The following FRMD3 variants were observed in gnomAD, a reference collection of about 807,000 sequenced individuals.
The protein encoded by FRMD3 is FERM domain-containing protein 3.
A neutral mutation model predicts 70.2 loss-of-function variants in FRMD3; 33 were observed. The ratio of observed to expected loss-of-function variants is 0.47; its 90% confidence interval spans 0.36 to 0.63. The LOEUF (loss-of-function observed/expected upper bound fraction) is 0.63, where lower values mean the gene tolerates loss of function less well. FRMD3 is among the 20% of genes least tolerant of loss of function. The probability of loss-of-function intolerance (pLI) is 0.00; values close to 1 mark genes in which losing one functional copy is unlikely to be tolerated. For synonymous variants in FRMD3, 279 were observed against 255.9 expected (o/e 1.09, Z -0.86); for missense variants, 632 against 711.4 (o/e 0.89, Z 1.27).
At chr9:83,292,847 T>C (rs1049089065) in intron 12 of FRMD3, among the ~76,000 whole-genome samples, 2 of 152,094 alleles carry the variant, frequency 1.3e-5, no homozygotes, top group African/African-American at 4.8e-5. Flanking sequence ...TGTTTCACCA[T>C]GTTGGGCAGG....
At chr9:83,336,792 C>T (rs1356401882) in intron 5 of FRMD3, among the ~76,000 whole-genome samples, 1 of 150,748 alleles carries the variant, frequency 6.6e-6, no homozygotes, top group East Asian at 1.9e-4. Flanking sequence ...TCATTAATTG[C>T]TATTAGGTTT....
chr9:83,584,753 A>G, the FRMD3 span, among the ~76,000 whole-genome samples: 1 of 152,136 alleles, frequency 6.6e-6, no homozygotes, highest in Non-Finnish European at 1.5e-5. Flanking sequence ...CAGGAGCCCA[A>G]ATGCCTGGGT....
At chr9:83,469,608 T>A (rs1381722900) in intron 1 of FRMD3, among the ~76,000 whole-genome samples, 1 of 152,034 alleles carries the variant, frequency 6.6e-6, no homozygotes, top group Non-Finnish European at 1.5e-5. Flanking sequence ...AAGTCATTGA[T>A]AAGGATGTAT....
the FRMD3 span, among the ~76,000 whole-genome samples, chr9:83,575,263 G>A: frequency 6.6e-6 from 1 of 152,194 alleles, no homozygotes; most frequent in Admixed American, 6.5e-5. Flanking sequence ...ACCCAATTTC[G>A]ATAATGAACT....
intron 5 of FRMD3, among the ~76,000 whole-genome samples, chr9:83,335,918 T>C (rs546908990): frequency 1.3e-5 from 2 of 152,294 alleles, no homozygotes; most frequent in East Asian, 1.9e-4. Context: ...GGGGACACCA[T>C]TGGCATTTTG....
chr9:83,480,627 C>T (rs7035629), intron 1 of FRMD3, among the ~76,000 whole-genome samples: 107,620 of 151,688 alleles, frequency 0.71, 38,819 homozygotes, highest in African/African-American at 0.84. Context: ...TCCCAGGTAG[C>T]TGGGATTACA....
At chr9:83,331,331 G>A (rs1402474850) in intron 6 of FRMD3, among the ~76,000 whole-genome samples, 2 of 152,178 alleles carry the variant, frequency 1.3e-5, no homozygotes, top group African/African-American at 4.8e-5. Flanking sequence ...ATATTACTGA[G>A]TGAAAGAAGC....
At chr9:83,347,739 TAAC>T (rs1327944378) in intron 4 of FRMD3, among the ~76,000 whole-genome samples, 2 of 152,202 alleles carry the variant, frequency 1.3e-5, no homozygotes, top group Non-Finnish European at 2.9e-5. Flanking sequence ...TATAATAAAA[TAAC>T]AATTTATCAT....
intron 3 of FRMD3, among the ~76,000 whole-genome samples, chr9:83,366,942 A>G (rs563886972): frequency 6.6e-6 from 1 of 152,216 alleles, no homozygotes; most frequent in South Asian, 2.1e-4. Context: ...CTGAGGCACA[A>G]GAATCGCTTG....
intron 1 of FRMD3, among the ~76,000 whole-genome samples, chr9:83,411,117 G>A (rs1826266338): frequency 6.6e-6 from 1 of 152,204 alleles, no homozygotes; most frequent in South Asian, 2.1e-4. Context: ...CTGCCCCTTA[G>A]AGACGTGGCG....
intron 12 of FRMD3, chr9:83,297,866 GAA>G (rs1355569640): frequency 2.1e-6 from 1 of 470,574 alleles, no homozygotes; most frequent in Non-Finnish European, 4.4e-6. Context: ...GTGTGGGAGA[GAA>G]ATGCCATCTG....
chr9:83,406,763 G>A (rs953018306), intron 1 of FRMD3, among the ~76,000 whole-genome samples: 5 of 152,242 alleles, frequency 3.3e-5, no homozygotes, highest in African/African-American at 1.2e-4. Context: ...TGAGGACACA[G>A]CCCATAGAAG....
chr9:83,343,383 T>G (rs2277177), intron 4 of FRMD3, 96 bp from the exon 5 acceptor site: 46,972 of 820,092 alleles, frequency 0.057, 2,745 homozygotes, highest in East Asian at 0.3. Flanking sequence ...GACCAGAGCT[T>G]TTCCCAGCTC....
the FRMD3 span, among the ~76,000 whole-genome samples, chr9:83,579,845 G>A: frequency 6.6e-6 from 1 of 151,978 alleles, no homozygotes; most frequent in African/African-American, 2.4e-5. Flanking sequence ...AAGGTGAAGA[G>A]ACATCTTTGC....
chr9:83,328,022 C>T (rs1278115885), intron 6 of FRMD3, among the ~76,000 whole-genome samples: 2 of 152,116 alleles, frequency 1.3e-5, no homozygotes, highest in Non-Finnish European at 2.9e-5. Flanking sequence ...AGTGGTAACA[C>T]CCTGGGGCCA....
the FRMD3 span, among the ~76,000 whole-genome samples, chr9:83,562,836 G>T: frequency 6.6e-6 from 1 of 152,124 alleles, no homozygotes; most frequent in African/African-American, 2.4e-5. Flanking sequence ...TCATTTCGGA[G>T]CTCTGGATTC....
At chr9:83,582,141 T>C in the FRMD3 span, among the ~76,000 whole-genome samples, 3 of 152,114 alleles carry the variant, frequency 2.0e-5, no homozygotes, top group African/African-American at 2.4e-5. Flanking sequence ...GGCACAATCA[T>C]AGCCCATAAA....
chr9:83,576,050 A>T, the FRMD3 span, among the ~76,000 whole-genome samples: 4 of 152,222 alleles, frequency 2.6e-5, no homozygotes, highest in Non-Finnish European at 5.9e-5. Context: ...TCTACAAAAA[A>T]AAAATAAAAA....
the FRMD3 span, among the ~76,000 whole-genome samples, chr9:83,561,300 A>AC: frequency 1.3e-5 from 2 of 152,148 alleles, no homozygotes; most frequent in East Asian, 3.9e-4. Context: ...CTCTTGCTGA[A>AC]TTTTTTTTAC....
Sources: allele counts gnomAD v4.1 joint callset (sites outside exome capture counted in the v4.1 genomes callset), GRCh38; gene constraint gnomAD v4.1.1; transcripts MANE v1.5; gene names NCBI Gene and HGNC (gene_info 2026-07-23, HGNC 2026-07-21).